PLAAT2: variants seen among roughly 807,000 people sequenced by gnomAD.
PLAAT2 encodes the protein HRAS like suppressor 2.
PLAAT2 carries 12 observed loss-of-function variants against 12.8 expected under a neutral mutation model. The observed-to-expected ratio is 0.94, with a 90% confidence interval of 0.60 to 1.52. PLAAT2 has a LOEUF of 1.52. Ranked by LOEUF, PLAAT2 falls within the 40% of genes most tolerant of loss-of-function variation. The pLI is 0.00. For synonymous variants in PLAAT2, 79 were observed against 86.8 expected (o/e 0.91, Z 0.50); for missense variants, 166 against 208.1 (o/e 0.80, Z 1.24).
At chr11:63,557,051 C>T (rs908948810) in intron 3 of PLAAT2, among the ~76,000 whole-genome samples, 7 of 152,134 alleles carry the variant, frequency 4.6e-5, no homozygotes, top group African/African-American at 1.4e-4. Context: ...TTAAACTACA[C>T]GGAAGACATT....
At chr11:63,556,305 T>A (rs1224662102) in intron 3 of PLAAT2, among the ~76,000 whole-genome samples, 1 of 152,136 alleles carries the variant, frequency 6.6e-6, no homozygotes, top group African/African-American at 2.4e-5. Context: ...AGGGACAAAC[T>A]AAATAAAACT....
chr11:63,560,305 C>T (rs1377901059), intron 1 of PLAAT2, 112 bp from the exon 2 acceptor site: 2 of 694,686 alleles, frequency 2.9e-6, no homozygotes, highest in Admixed American at 2.5e-5. Context: ...TGCTCATCAC[C>T]TGCAGGAAAC....
At chr11:63,560,286 G>C in intron 1 of PLAAT2, 93 bp from the exon 2 acceptor site, 2 of 845,284 alleles carry the variant, frequency 2.4e-6, no homozygotes, top group Non-Finnish European at 3.9e-6. Flanking sequence ...TCAGCCTGCA[G>C]ATTCCCTGTG....
At chr11:63,556,015 G>A (rs1410109538) in intron 3 of PLAAT2, among the ~76,000 whole-genome samples, 1 of 152,172 alleles carries the variant, frequency 6.6e-6, no homozygotes. Flanking sequence ...CATTTATCGG[G>A]GGGCTAGGGT....
chr11:63,563,975 G>A (rs914643048), upstream of PLAAT2, among the ~76,000 whole-genome samples: 7 of 152,126 alleles, frequency 4.6e-5, no homozygotes, highest in Non-Finnish European at 8.8e-5. Context: ...TATAGAGACA[G>A]AGACCATGGG....
intron 1 of PLAAT2, 138 bp from the exon 2 acceptor site, chr11:63,560,331 C>T: frequency 1.6e-6 from 1 of 633,330 alleles, no homozygotes; most frequent in East Asian, 2.7e-5. Flanking sequence ...GGAGGGAGCA[C>T]TCCTCACATA....
intron 3 of PLAAT2, among the ~76,000 whole-genome samples, chr11:63,554,258 T>G (rs374948103): frequency 1.1e-4 from 17 of 152,234 alleles, no homozygotes; most frequent in African/African-American, 4.1e-4. Context: ...TTTTTTTTAA[T>G]CTGCCTGACA....
chr11:63,561,644 CAAAAAAAAA>C (rs61140464), intron 1 of PLAAT2, among the ~76,000 whole-genome samples: 4 of 35,996 alleles, frequency 1.1e-4, no homozygotes, highest in South Asian at 3.9e-3. Flanking sequence ...GACTCCATCA[CAAAAAAAAA>C]AAAAAAAAAA....
chr11:63,561,206 G>A (rs1239659630), intron 1 of PLAAT2, among the ~76,000 whole-genome samples: 1 of 152,184 alleles, frequency 6.6e-6, no homozygotes, highest in East Asian at 1.9e-4. Flanking sequence ...TATTCTAAGT[G>A]AAATAACTCA....
At chr11:63,554,699 G>A (rs1565239294) in intron 3 of PLAAT2, among the ~76,000 whole-genome samples, 1 of 151,902 alleles carries the variant, frequency 6.6e-6, no homozygotes, top group Non-Finnish European at 1.5e-5. Flanking sequence ...GCTCAGATCT[G>A]CCTGACTTCC....
In PLAAT2 at chr11:63,558,427, T is replaced by A; in HGVS notation, c.352A>T (p.Asn118Tyr). The A allele has an allele frequency of 6.2e-7, 1 of 1,614,200 alleles. No individual in the cohort carries two copies. Among genetic ancestry groups the A allele is most frequent in the Non-Finnish European group, 8.5e-7 (1 of 1,180,044 alleles). The change falls in exon 3 of 4, where the codon AAC becomes TAC. Residue 118 changes from asparagine to tyrosine, a missense_variant. By Grantham distance (143) the Asn-to-Tyr change is moderately radical. Coordinates refer to ENST00000255695, the MANE Select transcript of PLAAT2 (RefSeq NM_017878.2). ...CGGGAGACGCCATAGCGCAGATGGT[T>A]CACGAAGTGCTCGCAGTTGTCACTG... is the stretch of plus-strand genomic sequence containing the variant. ...LTSDNCEHFV[N>Y]HLRYGVSRSD...
chr11:63,558,703 C>T (rs2017491730), intron 2 of PLAAT2, 43 bp from the exon 3 acceptor site: 18 of 1,602,154 alleles, frequency 1.1e-5, no homozygotes, highest in Non-Finnish European at 1.5e-5. Context: ...GCCTGGGGGG[C>T]TCAGAGCTGG....
chr11:63,564,322 C>G (rs964039320), upstream of PLAAT2, among the ~76,000 whole-genome samples: 1 of 139,840 alleles, frequency 7.2e-6, no homozygotes, highest in Non-Finnish European at 1.5e-5. Flanking sequence ...AAATAAGTAT[C>G]TCTTCTGTCA....
upstream of PLAAT2, among the ~76,000 whole-genome samples, chr11:63,563,736 A>C (rs78724105): frequency 1.2e-3 from 182 of 151,718 alleles, 1 homozygote; most frequent in Non-Finnish European, 2.2e-3. Flanking sequence ...AAAAAAAAAA[A>C]ACAGAACATA....
upstream of PLAAT2, among the ~76,000 whole-genome samples, chr11:63,564,986 C>T (rs1033767770): frequency 6.6e-6 from 1 of 152,090 alleles, no homozygotes; most frequent in Non-Finnish European, 1.5e-5. Context: ...GGCTTTTCAC[C>T]GAATCCAAGC....
intron 3 of PLAAT2, among the ~76,000 whole-genome samples, chr11:63,556,135 C>A (rs2017464260): frequency 6.6e-6 from 1 of 152,156 alleles, no homozygotes; most frequent in Non-Finnish European, 1.5e-5. Context: ...GCAGCTTTCA[C>A]AAGTCCACTT....
chr11:63,563,207 C>T, intron 1 of PLAAT2, 109 bp downstream of exon 1: 1 of 1,275,362 alleles, frequency 7.8e-7, no homozygotes, highest in Admixed American at 1.8e-5. Context: ...AGCATGTGCC[C>T]ATGTGCCCTC....
At chr11:63,560,340 T>C (rs1222882071) in intron 1 of PLAAT2, 147 bp from the exon 2 acceptor site, 10 of 608,614 alleles carry the variant, frequency 1.6e-5, no homozygotes, top group Admixed American at 2.9e-5. Flanking sequence ...ACTCCTCACA[T>C]ATGTAGGAAG....
At position 63,558,637 on chromosome 11, in the gene PLAAT2, C is replaced by A; in HGVS notation, c.142G>T (p.Ala48Ser). Residue 48 changes from alanine to serine, a missense_variant, in exon 3 of 4, where the codon GCC (alanine) becomes TCC (serine). By Grantham distance (99) the Ala-to-Ser change is moderately conservative. Transcript: ENST00000255695. ...TTGGTCAGGGCAGACAGGACACTGG[C>A]CGCACCAGCTCCAGCAATTTCACCT... ...PASEIAGAGA[A>S]SVLSALTNKA... is the part of the protein sequence containing the mutation. 1 of 1,614,214 alleles carries A rather than the reference C, an allele frequency of 6.2e-7. No homozygotes were observed. Among genetic ancestry groups the A allele is most frequent in the Non-Finnish European group, 8.5e-7 (1 of 1,180,038 alleles).
Sources: gnomAD v4.1 joint callset for allele counts (sites outside exome capture counted in the v4.1 genomes callset) on GRCh38, gnomAD v4.1.1 for gene constraint, MANE v1.5 for transcripts, NCBI Gene and HGNC (gene_info 2026-07-23, HGNC 2026-07-21) for gene names.